GABRB1: variants seen among roughly 807,000 people sequenced by gnomAD.
GABRB1 encodes the protein gamma-aminobutyric acid type A receptor subunit beta1, also known as gamma-aminobutyric acid receptor subunit beta-1.
In GABRB1, 17 loss-of-function variants were observed where a neutral mutation model predicts 51.6. The observed-to-expected ratio is 0.33, with a 90% CI of 0.23 to 0.49. GABRB1 has a LOEUF of 0.49. Among genes scored for constraint, GABRB1 ranks in the 20% least tolerant of loss-of-function variants. GABRB1 has a pLI of 0.99. For missense variants in GABRB1, 410 were observed against 600.6 expected, an observed-to-expected ratio of 0.68 and a Z score of 3.32; for synonymous variants, 247 against 218.9, an observed-to-expected ratio of 1.13 and a Z score of -1.14.
chr4:47,265,812 G>A (rs1177148870), intron 4 of GABRB1, among the ~76,000 whole-genome samples: 1 of 151,650 alleles, frequency 6.6e-6, no homozygotes, highest in Non-Finnish European at 1.5e-5. Flanking sequence ...TGTTGTTGTT[G>A]ACTTGTTTGA....
intron 5 of GABRB1, among the ~76,000 whole-genome samples, chr4:47,376,913 C>G (rs927402384): frequency 6.6e-6 from 1 of 152,124 alleles, no homozygotes; most frequent in African/African-American, 2.4e-5. Context: ...AGATTTTGCT[C>G]TTAAGTAGAT....
At chr4:47,334,315 C>A (rs76388833) in intron 5 of GABRB1, among the ~76,000 whole-genome samples, 4,856 of 152,180 alleles carry the variant, frequency 0.032, 307 homozygotes, top group African/African-American at 0.11. Flanking sequence ...ATTTTCCCAG[C>A]CTGTTTGCTT....
At chr4:47,136,170 T>G (rs1262102480) in intron 3 of GABRB1, among the ~76,000 whole-genome samples, 1 of 152,166 alleles carries the variant, frequency 6.6e-6, no homozygotes, top group Non-Finnish European at 1.5e-5. Flanking sequence ...TTGTTTGTTT[T>G]TTGTAGAGTT....
chr4:47,161,149 T>G, intron 3 of GABRB1, 100 bp from the exon 4 acceptor site: 1 of 811,712 alleles, frequency 1.2e-6, no homozygotes, highest in Non-Finnish European at 1.9e-6. Flanking sequence ...TTTTAATATA[T>G]TCAAATGTAA....
chr4:47,350,325 T>A (rs1190996838), intron 5 of GABRB1, among the ~76,000 whole-genome samples: 3 of 149,760 alleles, frequency 2.0e-5, no homozygotes, highest in Non-Finnish European at 3.0e-5. Flanking sequence ...TATATGTTTC[T>A]GCAAGTAACT....
At chr4:47,172,862 G>C (rs1718501962) in intron 4 of GABRB1, among the ~76,000 whole-genome samples, 1 of 151,844 alleles carries the variant, frequency 6.6e-6, no homozygotes, top group African/African-American at 2.4e-5. Flanking sequence ...GGCTGGCCTT[G>C]AGCTCCTGAC....
At chr4:47,024,227 T>C (rs975480875) in intron 1 of GABRB1, among the ~76,000 whole-genome samples, 2 of 151,924 alleles carry the variant, frequency 1.3e-5, no homozygotes, top group Non-Finnish European at 2.9e-5. Context: ...TTACTTTCCA[T>C]GGGATTTAAT....
intron 3 of GABRB1, among the ~76,000 whole-genome samples, chr4:47,115,946 T>G (rs1715459897): frequency 6.6e-6 from 1 of 152,202 alleles, no homozygotes; most frequent in Non-Finnish European, 1.5e-5. Flanking sequence ...ACTTTTATTC[T>G]GATTGACCAT....
rs548452267 is a variant in GABRB1 at position 47,142,902 on chromosome 4, G to T, written c.241-18347G>T. On this transcript the variant is annotated intron_variant, in intron 3 of 8. Coordinates refer to ENST00000295454, the MANE Select transcript of GABRB1 (RefSeq NM_000812.4). ...CTTTTTAGCACTGTATGTATATTAC[G>T]AAACAAATATGTTTCTTCTTTATTA... Among the ~76,000 whole-genome samples the T allele has an allele frequency of 1.3e-3, 192 of 151,704 alleles. 5 individuals are homozygous for T. The highest frequency in any genetic ancestry group is 1.6e-3 in the Admixed American group (24 of 15,176).
intron 5 of GABRB1, among the ~76,000 whole-genome samples, chr4:47,370,260 G>A (rs568888992): frequency 2.6e-5 from 4 of 152,252 alleles, no homozygotes; most frequent in South Asian, 2.1e-4. Context: ...TGGCCGAGGC[G>A]AGTGGATCAC....
At chr4:47,148,090 G>A (rs987184072) in intron 3 of GABRB1, among the ~76,000 whole-genome samples, 1 of 152,026 alleles carries the variant, frequency 6.6e-6, no homozygotes, top group Non-Finnish European at 1.5e-5. Flanking sequence ...AATCAGGTGA[G>A]AAGTGATAAA....
In GABRB1 at chr4:47,031,966, C is replaced by T. The variant is rs1019459592; in HGVS notation, c.133C>T (p.Leu45Phe). The T allele has an allele frequency of 1.9e-6, 3 of 1,613,328 alleles. No individual in the cohort carries two copies. The Admixed American group carries it at 5.0e-5, about 27-fold the overall frequency. Residue 45 changes from leucine to phenylalanine, a missense_variant, in exon 2 of 9, where the codon CTC (leucine) becomes TTC (phenylalanine). Around this residue, in one of 5 missense-constraint regions of GABRB1, gnomAD observed 56 missense variants for 54.8 expected, o/e 1.02. Coordinates refer to ENST00000295454, the MANE Select transcript of GABRB1 (RefSeq NM_000812.4). Reference sequence around the variant, plus strand: ...CGTGAAAGAGACAGTGGACAGATTGCTCAAAGGATATGACATTCGCTTGCG... The same window carrying T: ...CGTGAAAGAGACAGTGGACAGATTGTTCAAAGGATATGACATTCGCTTGCG... ...SYVKETVDRL[L>F]KGYDIRLRPD... is the part of the protein sequence containing the mutation.
At chr4:47,378,789 G>GT (rs34196493) in intron 5 of GABRB1, among the ~76,000 whole-genome samples, 16,759 of 150,042 alleles carry the variant, frequency 0.11, 1,009 homozygotes, top group Non-Finnish European at 0.13. Context: ...CCCGGCCGGA[G>GT]TTTTTTTTTT....
At chr4:47,127,539 T>G (rs186835006) in intron 3 of GABRB1, among the ~76,000 whole-genome samples, 97 of 152,002 alleles carry the variant, frequency 6.4e-4, no homozygotes, top group South Asian at 1.5e-3. Flanking sequence ...ACTTTTTTTT[T>G]TGTGATTTAA....
intron 3 of GABRB1, among the ~76,000 whole-genome samples, chr4:47,080,087 A>G (rs139523875): frequency 6.6e-6 from 1 of 152,246 alleles, no homozygotes; most frequent in East Asian, 1.9e-4. Context: ...ATGAAACCCA[A>G]CTGGCTTCAA....
intron 3 of GABRB1, among the ~76,000 whole-genome samples, chr4:47,148,662 GAA>G (rs2109709963): frequency 6.6e-6 from 1 of 151,824 alleles, no homozygotes; most frequent in African/African-American, 2.4e-5. Context: ...CACTGTGGAA[GAA>G]AAATGCTGGC....
intron 4 of GABRB1, among the ~76,000 whole-genome samples, chr4:47,179,824 G>T (rs1204227679): frequency 6.6e-6 from 1 of 152,006 alleles, no homozygotes; most frequent in Non-Finnish European, 1.5e-5. Context: ...CCTGTGCCTT[G>T]ACTCTATTTT....
At chr4:47,295,689 A>C (rs553109246) in intron 4 of GABRB1, among the ~76,000 whole-genome samples, 1 of 152,248 alleles carries the variant, frequency 6.6e-6, no homozygotes, top group Non-Finnish European at 1.5e-5. Flanking sequence ...ACTTTGCAGG[A>C]TATTATCCAG....
chr4:47,400,405 A>T (rs1239442019), intron 5 of GABRB1, among the ~76,000 whole-genome samples: 1 of 151,860 alleles, frequency 6.6e-6, no homozygotes, highest in Non-Finnish European at 1.5e-5. Flanking sequence ...CCTTATATGC[A>T]TTGTTATTTT....
Sources: gnomAD v4.1 joint callset for allele counts (sites outside exome capture counted in the v4.1 genomes callset) on GRCh38, gnomAD v4.1.1 for gene constraint, gnomAD v4.1.1 regional missense constraint, MANE v1.5 for transcripts, NCBI Gene and HGNC (gene_info 2026-07-23, HGNC 2026-07-21) for gene names.